GPHN: variants seen among roughly 807,000 people sequenced by gnomAD.
The protein encoded by GPHN is gephyrin.
A neutral mutation model predicts 95.5 loss-of-function variants in GPHN; 17 were observed. The ratio of observed to expected loss-of-function variants is 0.18; its 90% CI spans 0.12 to 0.27. The LOEUF (loss-of-function observed/expected upper bound fraction) is 0.27. Ranked by LOEUF, GPHN falls within the 10% of genes least tolerant of loss-of-function variation. GPHN has a pLI of 1.00. For missense variants in GPHN, 660 were observed against 978.1 expected (o/e 0.67, Z 4.34); for synonymous variants, 320 against 322.5 (o/e 0.99, Z 0.08).
the GPHN span, among the ~76,000 whole-genome samples, chr14:67,342,841 G>GTTTC: frequency 6.6e-6 from 1 of 152,022 alleles, no homozygotes; most frequent in Admixed American, 6.5e-5. Context: ...AAAATTGAGT[G>GTTTC]TTTCTTTAAT....
chr14:67,320,109 CA>C, the GPHN span: 1 of 736,876 alleles, frequency 1.4e-6, no homozygotes. Flanking sequence ...GATACCCTAG[CA>C]AGGATGTAAT....
At chr14:67,374,578 C>T in the GPHN span, 4 of 1,401,794 alleles carry the variant, frequency 2.9e-6, no homozygotes, top group Non-Finnish European at 4.0e-6. Context: ...AATTAGTCCA[C>T]TATCTGTGTG....
At chr14:67,690,233 C>T in the GPHN span, 1 of 1,613,626 alleles carries the variant, frequency 6.2e-7, no homozygotes. Flanking sequence ...CGGGCCAGTT[C>T]CTGGGTGAAG....
chr14:67,316,939 C>A, the GPHN span: 2 of 1,532,312 alleles, frequency 1.3e-6, no homozygotes, highest in East Asian at 2.3e-5. Context: ...TAAATGGTTT[C>A]TTGGGTCTTC....
chr14:66,632,738 G>A (rs1045838626), intron 1 of GPHN, among the ~76,000 whole-genome samples: 7 of 151,980 alleles, frequency 4.6e-5, no homozygotes, highest in Non-Finnish European at 1.0e-4. Flanking sequence ...TGATCCGCCT[G>A]CCTGGGCCTA....
chr14:66,696,364 A>G (rs1422788634), intron 2 of GPHN, among the ~76,000 whole-genome samples: 1 of 152,224 alleles, frequency 6.6e-6, no homozygotes, highest in Non-Finnish European at 1.5e-5. Context: ...CCAATTCTGG[A>G]AAGATGGAGT....
the GPHN span, among the ~76,000 whole-genome samples, chr14:67,542,941 C>T: frequency 2.0e-5 from 3 of 152,108 alleles, no homozygotes; most frequent in Admixed American, 1.3e-4. Flanking sequence ...CTCAGGTGAT[C>T]CTCGCCTCAG....
At chr14:67,387,175 C>A in the GPHN span, 1 of 651,020 alleles carries the variant, frequency 1.5e-6, no homozygotes, top group Non-Finnish European at 2.5e-6. Context: ...GGCACCACTG[C>A]TGTTTGTAAT....
At chr14:66,671,452 ATG>A (rs753400027) in intron 1 of GPHN, among the ~76,000 whole-genome samples, 5 of 152,226 alleles carry the variant, frequency 3.3e-5, no homozygotes, top group Admixed American at 3.3e-4. Flanking sequence ...CAGAAAAAGA[ATG>A]TGTTAACTTT....
At chr14:67,465,383 G>T in the GPHN span, among the ~76,000 whole-genome samples, 378 of 129,248 alleles carry the variant, frequency 2.9e-3, 2 homozygotes, top group Non-Finnish European at 4.9e-3. Flanking sequence ...CACAGGGCTG[G>T]GGCAGAGGCG....
intron 2 of GPHN, among the ~76,000 whole-genome samples, chr14:66,692,112 G>C (rs2067819581): frequency 6.6e-6 from 1 of 152,082 alleles, no homozygotes; most frequent in South Asian, 2.1e-4. Context: ...GATGCAAATA[G>C]GTTAAGGATT....
chr14:67,724,720 G>T, the GPHN span: 3 of 763,406 alleles, frequency 3.9e-6, no homozygotes, highest in Non-Finnish European at 6.9e-6. Context: ...AAGGAACCTG[G>T]GATTCAAGTC....
At chr14:67,034,465 G>A (rs2074326129) in intron 10 of GPHN, among the ~76,000 whole-genome samples, 1 of 151,946 alleles carries the variant, frequency 6.6e-6, no homozygotes, top group South Asian at 2.1e-4. Flanking sequence ...AAGTGTAATT[G>A]GATTAAACTC....
At chr14:67,278,667 A>G in the GPHN span, among the ~76,000 whole-genome samples, 5 of 152,228 alleles carry the variant, frequency 3.3e-5, no homozygotes, top group African/African-American at 1.2e-4. Context: ...CTACTAAAAG[A>G]TGATTAAAAC....
chr14:67,376,561 T>C, the GPHN span: 1 of 1,614,030 alleles, frequency 6.2e-7, no homozygotes, highest in Non-Finnish European at 8.5e-7. Flanking sequence ...CTGGATATGG[T>C]GCCTATGATG....
At chr14:67,297,710 G>GTC in the GPHN span, among the ~76,000 whole-genome samples, 47,808 of 151,960 alleles carry the variant, frequency 0.31, 11,598 homozygotes, top group African/African-American at 0.65. Context: ...AGGACATAGT[G>GTC]TCTATGTGGG....
At chr14:67,223,141 A>G in the GPHN span, among the ~76,000 whole-genome samples, 1 of 152,034 alleles carries the variant, frequency 6.6e-6, no homozygotes, top group Non-Finnish European at 1.5e-5. Flanking sequence ...CTGGGATTAC[A>G]AGCACCCGCC....
chr14:66,963,003 C>T (rs1284123464), intron 8 of GPHN, among the ~76,000 whole-genome samples: 1 of 151,874 alleles, frequency 6.6e-6, no homozygotes, highest in Non-Finnish European at 1.5e-5. Context: ...GAGATCTTAT[C>T]TCCCTTCAGT....
intron 2 of GPHN, among the ~76,000 whole-genome samples, chr14:66,758,727 C>A (rs2058658972): frequency 6.6e-6 from 1 of 152,118 alleles, no homozygotes; most frequent in African/African-American, 2.4e-5. Context: ...CCCAAAGAAA[C>A]CTCCGGGTTA....
Sources: allele counts gnomAD v4.1 joint callset (sites outside exome capture counted in the v4.1 genomes callset), GRCh38; gene constraint gnomAD v4.1.1; transcripts MANE v1.5; gene names NCBI Gene and HGNC (gene_info 2026-07-23, HGNC 2026-07-21).